Variants in BCAS3 observed in about 807,000 individuals in gnomAD.
BCAS3 encodes BCAS3 microtubule associated cell migration factor.
BCAS3 carries 53 observed loss-of-function variants against 116.1 expected under a neutral mutation model. The observed-to-expected ratio is 0.46, with a 90% confidence interval of 0.37 to 0.57. BCAS3 has a LOEUF of 0.57. BCAS3 is among the 20% of genes least tolerant of loss of function. The pLI is 0.00. For synonymous variants in BCAS3, 391 were observed against 408.2 expected (o/e 0.96, Z 0.51); for missense variants, 917 against 1,165.4 (o/e 0.79, Z 3.10).
At position 61,056,432 on chromosome 17, in the gene BCAS3, A is replaced by G. The variant is rs939018140; in HGVS notation, c.2029+15540A>G. ...GAGAACCACTTATTTTGCAAGTCATATGAAGAAACGTTAAGAGGCAAATTA... is the reference window on the plus strand; with the variant it reads ...GAGAACCACTTATTTTGCAAGTCATGTGAAGAAACGTTAAGAGGCAAATTA... On this transcript the variant is annotated intron_variant, in intron 19 of 23. Coordinates refer to ENST00000407086, the MANE Select transcript of BCAS3 (RefSeq NM_017679.5). This position sits in a 1 kb window ranked among gnomAD's most constrained non-coding sequence, Gnocchi z 4.9. Among the ~76,000 whole-genome samples the G allele has an allele frequency of 6.6e-6, 1 of 152,220 alleles. No homozygotes were observed. Among genetic ancestry groups the G allele is most frequent in the African/African-American group, 2.4e-5 (1 of 41,454 alleles).
intron 23 of BCAS3, among the ~76,000 whole-genome samples, chr17:61,385,347 A>G (rs1314822313): frequency 1.3e-5 from 2 of 152,200 alleles, no homozygotes; most frequent in Non-Finnish European, 2.9e-5. Context: ...CCCATTTTGC[A>G]TAGCTGGTCC....
chr17:60,878,765 CAT>C (rs1209902776), intron 9 of BCAS3, among the ~76,000 whole-genome samples: 1 of 152,054 alleles, frequency 6.6e-6, no homozygotes, highest in Non-Finnish European at 1.5e-5. Context: ...ATGCATATGA[CAT>C]ATGATTTTAG....
intron 13 of BCAS3, among the ~76,000 whole-genome samples, chr17:60,936,952 G>A (rs1291143117): frequency 1.3e-5 from 2 of 152,120 alleles, no homozygotes; most frequent in Non-Finnish European, 2.9e-5. Context: ...TGTCCTGAAT[G>A]GTATTGCCTA....
chr17:61,036,183 A>G (rs778913394), intron 17 of BCAS3: 15 of 152,126 alleles, frequency 9.9e-5, no homozygotes, highest in Non-Finnish European at 1.6e-4. Flanking sequence ...TCCCCTTAAT[A>G]TTTTAGTATT....
At chr17:61,168,209 TC>T (rs1001560398) in intron 22 of BCAS3, among the ~76,000 whole-genome samples, 2 of 152,136 alleles carry the variant, frequency 1.3e-5, no homozygotes, top group Non-Finnish European at 2.9e-5. Flanking sequence ...AGACTTTTTT[TC>T]TACCCTTCCA....
chr17:61,137,495 G>C (rs557599035), intron 22 of BCAS3, among the ~76,000 whole-genome samples: 1 of 152,340 alleles, frequency 6.6e-6, no homozygotes, highest in South Asian at 2.1e-4. Context: ...GGGGCCAGGC[G>C]TGGTGGCACA....
Position 61,286,196 on chromosome 17 carries a change from T to G in BCAS3, c.2426-82131T>G, listed in dbSNP as rs3785860. On this transcript the variant is annotated intron_variant, in intron 22 of 23. Coordinates refer to ENST00000407086, the MANE Select transcript of BCAS3 (RefSeq NM_017679.5). This position sits in a 1 kb window ranked among gnomAD's most constrained non-coding sequence, Gnocchi z 4.8. ...TTGCAGCTTTCAAAGGGTAGATCTT[T>G]GCAACCATCCCTTGGGGAGCCTGCA... Among the ~76,000 whole-genome samples, 248 of 152,050 alleles carry G rather than the reference T, an allele frequency of 1.6e-3. 3 individuals carry two copies. In the East Asian group the frequency reaches 0.03, roughly 19 times the overall value.
intron 22 of BCAS3, among the ~76,000 whole-genome samples, chr17:61,107,205 G>A (rs562506507): frequency 6.7e-6 from 1 of 149,258 alleles, no homozygotes; most frequent in South Asian, 2.1e-4. Flanking sequence ...TTCTGCCTCA[G>A]CCTCCTGAGT....
At chr17:61,050,530 A>G (rs2068763989) in intron 19 of BCAS3, among the ~76,000 whole-genome samples, 1 of 151,984 alleles carries the variant, frequency 6.6e-6, no homozygotes, top group South Asian at 2.1e-4. Context: ...GTAAACTGTG[A>G]TAAGTTAAAG....
chr17:60,947,232 C>T lies in BCAS3; in HGVS notation c.1101C>T (p.Val367=). 1.9e-6 allele frequency: 3 copies of T among 1,612,300 alleles called. No individual in the cohort carries two copies. Among genetic ancestry groups the T allele is most frequent in the Non-Finnish European group, 2.5e-6 (3 of 1,178,814 alleles). The part of the protein sequence containing the change: ...MAFNTSGMLL[V]TTDTLGHDFH... ...TTTGTCTTCCAGGAATGCTTCTAGTCACAACAGACACCCTTGGCCATGACT... is the reference window on the plus strand; with the variant it reads ...TTTGTCTTCCAGGAATGCTTCTAGTTACAACAGACACCCTTGGCCATGACT... The change falls in exon 14 of 24, where the codon GTC becomes GTT. Residue 367 remains valine (V), a synonymous_variant. Transcript: ENST00000407086.
At chr17:60,924,748 G>A (rs972713295) in intron 13 of BCAS3, among the ~76,000 whole-genome samples, 1 of 151,886 alleles carries the variant, frequency 6.6e-6, no homozygotes, top group Non-Finnish European at 1.5e-5. Context: ...AAACAATGCT[G>A]TTGAGTTACA....
At chr17:60,839,186 C>A (rs1400942986) in intron 7 of BCAS3, among the ~76,000 whole-genome samples, 1 of 152,110 alleles carries the variant, frequency 6.6e-6, no homozygotes, top group African/African-American at 2.4e-5. Context: ...GAACATTAAA[C>A]ATATTTCTTT....
At chr17:61,165,614 A>G (rs1013974694) in intron 22 of BCAS3, among the ~76,000 whole-genome samples, 1 of 152,202 alleles carries the variant, frequency 6.6e-6, no homozygotes, top group African/African-American at 2.4e-5. Flanking sequence ...TCAACCTGGG[A>G]GGCAGAGGTT....
chr17:60,835,418 C>A (rs1307993015), intron 7 of BCAS3, among the ~76,000 whole-genome samples: 1 of 151,976 alleles, frequency 6.6e-6, no homozygotes, highest in African/African-American at 2.4e-5. Context: ...GTTGAAACTT[C>A]AGTCTTCTTT....
At chr17:60,705,072 A>G (rs960353510) in intron 4 of BCAS3, among the ~76,000 whole-genome samples, 1 of 152,192 alleles carries the variant, frequency 6.6e-6, no homozygotes, top group African/African-American at 2.4e-5. Context: ...GAACATCAGG[A>G]AAGTGTGGAA....
chr17:60,996,052 C>T (rs1237404006), intron 15 of BCAS3, among the ~76,000 whole-genome samples: 1 of 152,042 alleles, frequency 6.6e-6, no homozygotes, highest in African/African-American at 2.4e-5. Flanking sequence ...ATAAAGAGAC[C>T]AGTGTGGCTG....
intron 7 of BCAS3, among the ~76,000 whole-genome samples, chr17:60,845,020 A>G (rs2052377656): frequency 6.6e-6 from 1 of 152,204 alleles, no homozygotes; most frequent in South Asian, 2.1e-4. Context: ...ACCTGAGGTC[A>G]GGAGTTCCAG....
Position 61,098,442 on chromosome 17 carries a change from C to G in BCAS3, c.2425+13878C>G, listed in dbSNP as rs2074112287. On this transcript the variant is annotated intron_variant, in intron 22 of 23. Transcript: ENST00000407086. The surrounding 1 kb of genome is among the most constrained non-coding windows in gnomAD (Gnocchi z 4.2). ...CTCTGAAGTGATCCTGATATTTTGCCAAAGTTGTGACTTTAATATTCTGTG... is the reference window on the plus strand; with the variant it reads ...CTCTGAAGTGATCCTGATATTTTGCGAAAGTTGTGACTTTAATATTCTGTG... Among the ~76,000 whole-genome samples the G allele has an allele frequency of 6.6e-6, 1 of 152,052 alleles. No individual in the cohort carries two copies. The highest frequency in any genetic ancestry group is 1.5e-5 in the Non-Finnish European group (1 of 68,014).
chr17:60,999,573 A>AG (rs2064096671), intron 15 of BCAS3, among the ~76,000 whole-genome samples: 3 of 138,040 alleles, frequency 2.2e-5, no homozygotes, highest in African/African-American at 1.1e-4. Flanking sequence ...AAGAAAAAGA[A>AG]AAAGAAATGT....
Sources: gnomAD v4.1 joint callset for allele counts (sites outside exome capture counted in the v4.1 genomes callset) on GRCh38, gnomAD v4.1.1 for gene constraint, Gnocchi (gnomAD v3.1) non-coding constraint, MANE v1.5 for transcripts, NCBI Gene and HGNC (gene_info 2026-07-23, HGNC 2026-07-21) for gene names.